TCAIM: variants seen among roughly 807,000 people sequenced by gnomAD.
TCAIM encodes the protein T cell activation inhibitor, mitochondrial.
Under a neutral mutation model 58.6 loss-of-function variants are expected in TCAIM, and 36 were observed. The ratio of observed to expected loss-of-function variants is 0.61; its 90% confidence interval spans 0.47 to 0.81. The LOEUF is 0.81. Ranked by LOEUF, TCAIM falls within the 30% of genes least tolerant of loss-of-function variation. The pLI is 0.00. For missense variants in TCAIM, 466 were observed against 579.6 expected (o/e 0.80, Z 2.01); for synonymous variants, 172 against 193.6 (o/e 0.89, Z 0.93).
In TCAIM at chr3:44,378,724, T is replaced by C. The variant is rs191588418; in HGVS notation, c.572+11016T>C. ...TATTCAGGAGGCTGAGGCAGGAGAA[T>C]TGCTTGAACCTGGGATGCAGAGGTT... On this transcript the variant is annotated intron_variant, in intron 5 of 10. Coordinates refer to ENST00000342649, the MANE Select transcript of TCAIM (RefSeq NM_173826.4). 1.2e-4 allele frequency among the ~76,000 whole-genome samples: 18 copies of C among 151,758 alleles called. No individual in the cohort carries two copies. In the East Asian group the frequency reaches 3.3e-3, roughly 28 times the overall value.
intron 4 of TCAIM, chr3:44,362,762 T>C (rs975062058): frequency 4.9e-6 from 1 of 205,142 alleles, no homozygotes; most frequent in Non-Finnish European, 9.7e-6. Context: ...CACAATTCTG[T>C]TTGAAAGTTT....
At chr3:44,346,439 C>T (rs879335701) in intron 1 of TCAIM, among the ~76,000 whole-genome samples, 7 of 152,130 alleles carry the variant, frequency 4.6e-5, no homozygotes, top group Admixed American at 6.5e-5. Flanking sequence ...TTTCCTGACT[C>T]GGGGCATGTG....
At chr3:44,363,009 A>C (rs1448126527) in intron 4 of TCAIM, 1 of 152,188 alleles carries the variant, frequency 6.6e-6, no homozygotes, top group Non-Finnish European at 1.5e-5. Context: ...TATATCCTTT[A>C]TAGTTGTTAA....
chr3:44,405,327 G>A (rs1031422060), intron 10 of TCAIM, among the ~76,000 whole-genome samples: 2 of 152,136 alleles, frequency 1.3e-5, no homozygotes, highest in African/African-American at 2.4e-5. Context: ...CAATCAAAAT[G>A]TACAGTAATA....
At chr3:44,373,904 A>G (rs1201718179) in intron 5 of TCAIM, among the ~76,000 whole-genome samples, 3 of 152,232 alleles carry the variant, frequency 2.0e-5, no homozygotes, top group Admixed American at 6.5e-5. Context: ...AAATAATTCC[A>G]TATGAAATGT....
chr3:44,381,721 A>G (rs1337924703), intron 5 of TCAIM, among the ~76,000 whole-genome samples: 2 of 152,216 alleles, frequency 1.3e-5, no homozygotes, highest in Non-Finnish European at 2.9e-5. Flanking sequence ...ATGGTCTTAT[A>G]CATAGAAAAC....
rs1233397682 is a variant in TCAIM, at chr3:44,339,343, TTAAAA to T, written c.-45+514_-45+518del. Among the ~76,000 whole-genome samples the T allele has an allele frequency of 3.9e-5, 6 of 152,312 alleles. No homozygotes were observed. The East Asian group carries it at 1.2e-3, about 29-fold the overall frequency. On this transcript the variant is annotated intron_variant, in intron 1 of 10. Coordinates refer to ENST00000342649, the MANE Select transcript of TCAIM (RefSeq NM_173826.4). ...TGAGAGTGGCATGATATTAATTTTG[TTAAAA>T]TAAATTACTTTCAAATAAAAGTTGT...
In TCAIM at chr3:44,357,769, T is replaced by C; in HGVS notation, c.58T>C (p.Trp20Arg). Residue 20 changes from tryptophan to arginine, a missense_variant, in exon 3 of 11, where the codon TGG (tryptophan) becomes CGG (arginine). Transcript: ENST00000342649. Reference protein sequence around the residue: ...RLCLEKIFPHWFPFSRALSGA... With the variant: ...RLCLEKIFPHRFPFSRALSGA... Reference sequence around the variant, plus strand: ...ATGTCTAGAGAAGATATTTCCACACTGGTTTCCCTTTTCAAGAGCTTTATC... The same window carrying C: ...ATGTCTAGAGAAGATATTTCCACACCGGTTTCCCTTTTCAAGAGCTTTATC... The C allele has an allele frequency of 6.2e-7, 1 of 1,614,172 alleles. No individual in the cohort carries two copies. The highest frequency in any genetic ancestry group is 8.5e-7 in the Non-Finnish European group (1 of 1,180,002).
intron 1 of TCAIM, among the ~76,000 whole-genome samples, chr3:44,352,070 CAT>C (rs761504908): frequency 1.2e-4 from 17 of 147,652 alleles, no homozygotes; most frequent in Non-Finnish European, 2.1e-4. Context: ...TATATAAAGT[CAT>C]ATATATGTGT....
upstream of TCAIM, chr3:44,338,656 G>C (rs1016926581): frequency 1.3e-5 from 2 of 152,448 alleles, no homozygotes; most frequent in African/African-American, 4.8e-5. Context: ...CGCCCACCGG[G>C]GCGAGGGCAG....
rs150773407 is a variant in TCAIM, at chr3:44,354,816, G to A, written c.29+5G>A. The A allele has an allele frequency of 3.7e-6, 6 of 1,610,988 alleles. No individual in the cohort carries two copies. In the East Asian group the frequency reaches 1.3e-4, roughly 36 times the overall value. On this transcript the variant is annotated splice_donor_5th_base_variant and intron_variant, in intron 2 of 10. Transcript: ENST00000342649. ...CCACCTGAGACCTATGAGGAGGTAA[G>A]CATCATGGTCCAATCTGTAATTAGT...
At chr3:44,346,707 C>T (rs949704889) in intron 1 of TCAIM, among the ~76,000 whole-genome samples, 1 of 152,250 alleles carries the variant, frequency 6.6e-6, no homozygotes, top group African/African-American at 2.4e-5. Flanking sequence ...TTGAGGGCCT[C>T]TAAAAGTATT....
chr3:44,396,959 T>G, intron 8 of TCAIM, 125 bp downstream of exon 8: 8 of 832,926 alleles, frequency 9.6e-6, no homozygotes, highest in Non-Finnish European at 1.5e-5. Flanking sequence ...TTAATGTTTT[T>G]AATCGCAGTA....
chr3:44,374,770 A>T (rs554852029), intron 5 of TCAIM, among the ~76,000 whole-genome samples: 13 of 152,278 alleles, frequency 8.5e-5, no homozygotes, highest in South Asian at 4.1e-4. Flanking sequence ...CTCCAAAAAA[A>T]ATATAAAAAT....
rs531943855 is a variant in TCAIM, at chr3:44,350,708, G to A, written c.-44-4031G>A. ...CTCCCGAATTCCTGGGATTACAAGT[G>A]GGGACCATTATATGCAGATGATTTT... On this transcript the variant is annotated intron_variant, in intron 1 of 10. Transcript: ENST00000342649. 2.9e-4 allele frequency among the ~76,000 whole-genome samples: 44 copies of A among 152,060 alleles called. 1 individual carries two copies. The highest frequency in any genetic ancestry group is 4.1e-4 in the Non-Finnish European group (28 of 68,010).
chr3:44,350,887 T>G (rs552861859), intron 1 of TCAIM, among the ~76,000 whole-genome samples: 74 of 152,370 alleles, frequency 4.9e-4, no homozygotes, highest in Admixed American at 1.2e-3. Flanking sequence ...CTGGTACTTG[T>G]GCTGTCTTAA....
chr3:44,390,815 TAATAAG>T (rs1280221831), intron 5 of TCAIM, among the ~76,000 whole-genome samples: 1 of 152,082 alleles, frequency 6.6e-6, no homozygotes, highest in Non-Finnish European at 1.5e-5. Context: ...TACAAAAAAA[TAATAAG>T]AAGAAAGGGA....
Position 44,361,504 on chromosome 3 carries a change from CT to C in TCAIM, c.309del (p.Phe103LeufsTer19). 6.3e-7 allele frequency: 1 copy of C among 1,595,894 alleles called. No homozygotes were observed. Among genetic ancestry groups the C allele is most frequent in the Non-Finnish European group, 8.5e-7 (1 of 1,173,542 alleles). ...TDQSSSDGQE[P>X]FSTSGFRAVK... is the part of the protein sequence containing the mutation. ...CAGAGTTCCTCCGATGGCCAGGAAC[CT>C]TTTAGTACTTCCGGTACGTTTTTTA... On this transcript the variant is annotated frameshift_variant, in exon 4 of 11. Coordinates refer to ENST00000342649, the MANE Select transcript of TCAIM (RefSeq NM_173826.4). LOFTEE classifies it high-confidence loss of function.
In TCAIM at chr3:44,363,900, G is replaced by A. The variant is rs899633999; in HGVS notation, c.319+2382G>A. 3.2e-4 allele frequency among the ~76,000 whole-genome samples: 47 copies of A among 146,280 alleles called. 1 individual carries two copies. Among genetic ancestry groups the A allele is most frequent in the Admixed American group, 2.1e-3 (30 of 14,490 alleles). ...GAGTTTGAGGCTAGCCTGGACAACT[G>A]GACAACACAGCAAGTCTGTCTTTTT... On this transcript the variant is annotated intron_variant, in intron 4 of 10. Transcript: ENST00000342649.
Sources: allele counts gnomAD v4.1 joint callset (sites outside exome capture counted in the v4.1 genomes callset), GRCh38; gene constraint gnomAD v4.1.1; transcripts MANE v1.5; gene names NCBI Gene and HGNC (gene_info 2026-07-23, HGNC 2026-07-21).